The following STK39 variants were observed in gnomAD, a reference collection of about 807,000 sequenced individuals.
STK39 encodes serine/threonine kinase 39.
STK39 carries 20 observed loss-of-function variants against 77.8 expected under a neutral mutation model. That is an observed-to-expected ratio of 0.26 (90% CI 0.18 to 0.37). The LOEUF is 0.37. Ranked by LOEUF, STK39 falls within the 10% of genes least tolerant of loss-of-function variation. The probability of loss-of-function intolerance (pLI) is 1.00; values close to 1 mark genes in which losing one functional copy is unlikely to be tolerated. For missense variants in STK39, 479 were observed against 656.5 expected, an observed-to-expected ratio of 0.73 and a Z score of 2.95; for synonymous variants, 246 against 234.1, an observed-to-expected ratio of 1.05 and a Z score of -0.47.
In STK39 at chr2:168,164,449, T is replaced by C. The variant is rs150860454; in HGVS notation, c.431-569A>G. Among the ~76,000 whole-genome samples, 490 of 152,246 alleles carry C rather than the reference T, an allele frequency of 3.2e-3. 3 individuals carry two copies. Among genetic ancestry groups the C allele is most frequent in the African/African-American group, 0.011 (472 of 41,564 alleles). On this transcript the variant is annotated intron_variant, in intron 3 of 17. Transcript: ENST00000355999. ...TGAGACAGAGTCTGCCTCTGTCATA[T>C]AAGCTGGAGTGCAGTGGAGCAATCA...
chr2:168,172,800 AG>A (rs1362410051), intron 2 of STK39, among the ~76,000 whole-genome samples: 1 of 152,238 alleles, frequency 6.6e-6, no homozygotes, highest in Non-Finnish European at 1.5e-5. Context: ...ATCCTACTCA[AG>A]TACTTAGTTA....
chr2:168,007,318 C>T (rs1427241727), intron 16 of STK39, among the ~76,000 whole-genome samples: 1 of 152,036 alleles, frequency 6.6e-6, no homozygotes, highest in Non-Finnish European at 1.5e-5. Context: ...TCAAAGTATC[C>T]TTTGTTTCTA....
In STK39 at chr2:168,063,589, A is replaced by C; in HGVS notation, c.1306-19T>G. The stretch of plus-strand genomic sequence containing the variant: ...GTGGGCCCTTTAAAAAGAAAACAGC[A>C]AACAGTGTTATAAACTGTATCAGGA... On this transcript the variant is annotated intron_variant, in intron 13 of 17. Transcript: ENST00000355999. 6.3e-7 allele frequency: 1 copy of C among 1,599,930 alleles called. No individual in the cohort carries two copies. The highest frequency in any genetic ancestry group is 8.5e-7 in the Non-Finnish European group (1 of 1,170,852).
At chr2:168,055,896 C>T (rs756618704) in intron 14 of STK39, among the ~76,000 whole-genome samples, 3 of 152,034 alleles carry the variant, frequency 2.0e-5, no homozygotes, top group Non-Finnish European at 4.4e-5. Flanking sequence ...ACAAGGTGGC[C>T]CACTTGGTAT....
chr2:168,127,220 G>A lies in STK39; in HGVS notation c.1089+2321C>T, dbSNP rs185310943. Among the ~76,000 whole-genome samples the A allele has an allele frequency of 2.4e-4, 37 of 152,176 alleles. No homozygotes were observed. The East Asian group carries it at 3.7e-3, about 15-fold the overall frequency. On this transcript the variant is annotated intron_variant, in intron 10 of 17. Coordinates refer to ENST00000355999, the MANE Select transcript of STK39 (RefSeq NM_013233.3). ...GGCTGGAGTGCAGTGGCACAATCTC[G>A]GCTCACTGCAACCTCTGATTCCCTG... is the stretch of plus-strand genomic sequence containing the variant.
At chr2:167,969,261 T>A (rs529976119) in intron 16 of STK39, among the ~76,000 whole-genome samples, 1 of 152,344 alleles carries the variant, frequency 6.6e-6, no homozygotes, top group African/African-American at 2.4e-5. Context: ...CCTTTGGTCT[T>A]ACCTCCTCCG....
intron 1 of STK39, among the ~76,000 whole-genome samples, chr2:168,245,016 T>C (rs550082111): frequency 5.9e-5 from 9 of 152,330 alleles, no homozygotes; most frequent in Non-Finnish European, 8.8e-5. Context: ...AAGGCAACGT[T>C]TGTATTTTAA....
At chr2:168,188,173 C>G (rs1051095979) in intron 1 of STK39, among the ~76,000 whole-genome samples, 1 of 152,168 alleles carries the variant, frequency 6.6e-6, no homozygotes, top group Non-Finnish European at 1.5e-5. Context: ...CCCCAGCTTA[C>G]TCTTTGAGCT....
At chr2:168,199,227 A>C (rs1290765117) in intron 1 of STK39, among the ~76,000 whole-genome samples, 1 of 152,222 alleles carries the variant, frequency 6.6e-6, no homozygotes, top group African/African-American at 2.4e-5. Context: ...AGCCAGCAGC[A>C]GCCTCTCTAT....
At chr2:168,172,399 C>T (rs1047696765) in intron 2 of STK39, among the ~76,000 whole-genome samples, 5 of 152,180 alleles carry the variant, frequency 3.3e-5, no homozygotes, top group Admixed American at 1.3e-4. Flanking sequence ...AATTTTTAAC[C>T]TCTACATTGT....
In STK39 at chr2:168,023,420, C is replaced by CGAACG. The variant is rs368395141; in HGVS notation, c.1377-6330_1377-6326dup. Among the ~76,000 whole-genome samples, 530 of 152,224 alleles carry CGAACG rather than the reference C, an allele frequency of 3.5e-3. 4 individuals are homozygous for CGAACG. Among genetic ancestry groups the CGAACG allele is most frequent in the African/African-American group, 0.012 (500 of 41,542 alleles). Reference sequence around the variant, plus strand: ...GCTAAGAGGCTGGTAATGCAGAACACGAACGGACACCCATCCCTTCCCAGT... The same window carrying CGAACG: ...GCTAAGAGGCTGGTAATGCAGAACACGAACGGAACGGACACCCATCCCTTCCCAGT... On this transcript the variant is annotated intron_variant, in intron 14 of 17. Transcript: ENST00000355999.
At chr2:168,136,446 T>TCA (rs1054082940) in intron 8 of STK39, among the ~76,000 whole-genome samples, 4 of 151,714 alleles carry the variant, frequency 2.6e-5, no homozygotes, top group African/African-American at 9.7e-5. Context: ...TTTGACCAAA[T>TCA]CACATACAAA....
At chr2:168,036,581 G>A (rs1329513294) in intron 14 of STK39, among the ~76,000 whole-genome samples, 1 of 152,198 alleles carries the variant, frequency 6.6e-6, no homozygotes, top group African/African-American at 2.4e-5. Flanking sequence ...TTCAGGAGTA[G>A]AGATTTTAAA....
At chr2:168,161,653 C>CATATTGTTAT (rs1266026220) in intron 5 of STK39, 134 bp downstream of exon 5, 2 of 605,388 alleles carry the variant, frequency 3.3e-6, no homozygotes, top group Non-Finnish European at 5.4e-6. Flanking sequence ...ATCCTTCGGA[C>CATATTGTTAT]CCAAACATTC....
intron 1 of STK39, among the ~76,000 whole-genome samples, chr2:168,203,556 G>A (rs546534249): frequency 9.2e-5 from 14 of 152,312 alleles, no homozygotes; most frequent in South Asian, 4.1e-4. Context: ...TAGAGTTTAC[G>A]AGAAAGAACA....
intron 16 of STK39, among the ~76,000 whole-genome samples, chr2:167,972,083 G>C (rs1692362995): frequency 6.6e-6 from 1 of 152,212 alleles, no homozygotes; most frequent in Admixed American, 6.5e-5. Context: ...TTATGATGTG[G>C]CTTGGCCCCA....
chr2:168,195,835 G>A (rs1286109047), intron 1 of STK39, among the ~76,000 whole-genome samples: 3 of 152,174 alleles, frequency 2.0e-5, no homozygotes, highest in Non-Finnish European at 1.5e-5. Flanking sequence ...TGGCCAACAC[G>A]GCAAAACCCC....
At chr2:168,071,860 ACTCC>A (rs1685949608) in intron 12 of STK39, among the ~76,000 whole-genome samples, 1 of 144,534 alleles carries the variant, frequency 6.9e-6, no homozygotes, top group Admixed American at 7.3e-5. Context: ...ACAGAGTGAG[ACTCC>A]ATCTCAAAAA....
chr2:167,979,236 T>G (rs1453442348), intron 16 of STK39, among the ~76,000 whole-genome samples: 2 of 152,202 alleles, frequency 1.3e-5, no homozygotes, highest in Non-Finnish European at 2.9e-5. Flanking sequence ...ATTTTTAATT[T>G]TTTAAAAACT....
Sources: gnomAD v4.1 joint callset for allele counts (sites outside exome capture counted in the v4.1 genomes callset) on GRCh38, gnomAD v4.1.1 for gene constraint, MANE v1.5 for transcripts, NCBI Gene and HGNC (gene_info 2026-07-23, HGNC 2026-07-21) for gene names.